Variants in RBFOX1 observed in about 807,000 individuals in gnomAD.
RBFOX1 encodes the protein RNA binding protein fox-1 homolog 1.
A neutral mutation model predicts 57.7 loss-of-function variants in RBFOX1; 8 were observed. The observed-to-expected ratio is 0.14, with a 90% CI of 0.08 to 0.25. The LOEUF is 0.25. Among genes scored for constraint, RBFOX1 ranks in the 10% least tolerant of loss-of-function variants. The probability of loss-of-function intolerance (pLI) is 1.00; values close to 1 mark genes in which losing one functional copy is unlikely to be tolerated. For missense variants in RBFOX1, 611 were observed against 548.5 expected (o/e 1.11, Z -1.14); for synonymous variants, 326 against 222.4 (o/e 1.47, Z -4.15).
At chr16:6,074,365 A>T (rs577061335) in intron 1 of RBFOX1, among the ~76,000 whole-genome samples, 2 of 152,234 alleles carry the variant, frequency 1.3e-5, no homozygotes, top group African/African-American at 4.8e-5. Context: ...TCACCCCCTT[A>T]TAGCTCTGCA....
intron 1 of RBFOX1, among the ~76,000 whole-genome samples, chr16:6,245,307 C>G (rs1414227028): frequency 6.6e-6 from 1 of 151,954 alleles, no homozygotes; most frequent in African/African-American, 2.4e-5. Flanking sequence ...GAAATCTGGC[C>G]CTGAATACCT....
At chr16:6,433,158 C>A (rs2094143860) in intron 2 of RBFOX1, among the ~76,000 whole-genome samples, 1 of 152,110 alleles carries the variant, frequency 6.6e-6, no homozygotes, top group Non-Finnish European at 1.5e-5. Context: ...GCCTTGGCCC[C>A]ACATGGGGCT....
chr16:7,122,518 G>C (rs1025771541), intron 4 of RBFOX1, among the ~76,000 whole-genome samples: 4 of 152,182 alleles, frequency 2.6e-5, no homozygotes, highest in East Asian at 3.9e-4. Flanking sequence ...AACTAGGATG[G>C]AATACCATTA....
intron 1 of RBFOX1, among the ~76,000 whole-genome samples, chr16:6,122,959 A>G (rs753330777): frequency 3.7e-4 from 47 of 125,670 alleles, no homozygotes; most frequent in Non-Finnish European, 7.9e-4. Context: ...TCAGCAAACC[A>G]TAAAAAAAAA....
chr16:6,934,075 C>G (rs558867888), intron 3 of RBFOX1, among the ~76,000 whole-genome samples: 15 of 152,150 alleles, frequency 9.9e-5, no homozygotes, highest in African/African-American at 3.4e-4. Flanking sequence ...GGTAGGCGTA[C>G]GACAGCAGCA....
At chr16:7,238,271 T>A (rs1830267038) in intron 4 of RBFOX1, among the ~76,000 whole-genome samples, 3 of 152,086 alleles carry the variant, frequency 2.0e-5, no homozygotes, top group African/African-American at 7.2e-5. Context: ...ATGTTGGGAA[T>A]GGCTGTGCAA....
intron 1 of RBFOX1, among the ~76,000 whole-genome samples, chr16:6,051,687 C>T (rs1158832587): frequency 6.6e-6 from 1 of 152,078 alleles, no homozygotes; most frequent in Admixed American, 6.6e-5. Flanking sequence ...CCTCAGCCTC[C>T]CAAGTAGCTG....
At chr16:7,047,961 C>G (rs568890610) in intron 3 of RBFOX1, among the ~76,000 whole-genome samples, 35 of 151,702 alleles carry the variant, frequency 2.3e-4, no homozygotes, top group Non-Finnish European at 3.5e-4. Flanking sequence ...TCACTGCAAC[C>G]TCCCCCTGCC....
At chr16:7,653,739 C>A in intron 11 of RBFOX1, 76 bp from the exon 12 acceptor site, 2 of 1,588,320 alleles carry the variant, frequency 1.3e-6, no homozygotes, top group Non-Finnish European at 1.7e-6. Flanking sequence ...CAAGGGTTCC[C>A]GGGGCAGTTC....
At chr16:7,681,112 A>C (rs1048174268) in intron 14 of RBFOX1, among the ~76,000 whole-genome samples, 2 of 152,196 alleles carry the variant, frequency 1.3e-5, no homozygotes, top group African/African-American at 2.4e-5. Flanking sequence ...GAACCTAGTA[A>C]GGATAAGTAG....
chr16:5,992,040 A>G (rs1440756360), intron 4 of RBFOX1, among the ~76,000 whole-genome samples: 1 of 152,214 alleles, frequency 6.6e-6, no homozygotes, highest in East Asian at 1.9e-4. Context: ...CATTTTACAC[A>G]AAGTTATGGG....
chr16:7,202,771 C>T (rs1017581023), intron 4 of RBFOX1, among the ~76,000 whole-genome samples: 2 of 152,288 alleles, frequency 1.3e-5, no homozygotes, highest in East Asian at 1.9e-4. Context: ...TGAAGTGGGA[C>T]AGTTTCATCC....
intron 4 of RBFOX1, among the ~76,000 whole-genome samples, chr16:5,959,154 C>A (rs1336834930): frequency 6.6e-6 from 1 of 152,308 alleles, no homozygotes; most frequent in Non-Finnish European, 1.5e-5. Context: ...GACTGCCCAT[C>A]CTGTTCCAGT....
intron 4 of RBFOX1, among the ~76,000 whole-genome samples, chr16:7,480,749 G>C (rs182801687): frequency 6.6e-6 from 1 of 152,180 alleles, no homozygotes; most frequent in Non-Finnish European, 1.5e-5. Context: ...TGACTGCAAG[G>C]GGATGTGGGA....
intron 1 of RBFOX1, among the ~76,000 whole-genome samples, chr16:6,095,711 A>AG (rs2096237546): frequency 6.8e-6 from 1 of 146,306 alleles, no homozygotes; most frequent in African/African-American, 2.6e-5. Flanking sequence ...AAGAAAAAGA[A>AG]AAAAAAAAAA....
At chr16:6,882,299 A>T (rs562500540) in intron 3 of RBFOX1, among the ~76,000 whole-genome samples, 14 of 152,302 alleles carry the variant, frequency 9.2e-5, no homozygotes, top group Admixed American at 2.0e-4. Context: ...CAACCTGTGC[A>T]CTGGGTCTCA....
At chr16:6,316,921 T>C (rs1352733778) in intron 1 of RBFOX1, 74 bp from the exon 2 acceptor site, 12 of 1,309,704 alleles carry the variant, frequency 9.2e-6, no homozygotes, top group Non-Finnish European at 9.5e-6. Flanking sequence ...CATATTACTA[T>C]GACAAAAAAA....
chr16:7,021,908 CTT>C, intron 3 of RBFOX1, among the ~76,000 whole-genome samples: 1 of 149,390 alleles, frequency 6.7e-6, no homozygotes, highest in South Asian at 2.1e-4. Flanking sequence ...TTCTTTCTTT[CTT>C]TCTTTTCTTT....
At chr16:5,938,217 A>C (rs767110479) in intron 4 of RBFOX1, among the ~76,000 whole-genome samples, 1 of 152,076 alleles carries the variant, frequency 6.6e-6, no homozygotes, top group Non-Finnish European at 1.5e-5. Flanking sequence ...CTTCCTGGGA[A>C]GTATATAGCT....
Sources: gnomAD v4.1 joint callset for allele counts (sites outside exome capture counted in the v4.1 genomes callset) on GRCh38, gnomAD v4.1.1 for gene constraint, MANE v1.5 for transcripts, NCBI Gene and HGNC (gene_info 2026-07-23, HGNC 2026-07-21) for gene names.